RBP4: variants seen among roughly 807,000 people sequenced by gnomAD.
RBP4 encodes retinol-binding protein 4.
Under a neutral mutation model 26.2 loss-of-function variants are expected in RBP4, and 9 were observed. The observed-to-expected ratio is 0.34, with a 90% CI of 0.21 to 0.60. RBP4 has a LOEUF of 0.60. RBP4 is among the 20% of genes least tolerant of loss of function. The probability of loss-of-function intolerance (pLI) is 0.80; values close to 1 mark genes in which losing one functional copy is unlikely to be tolerated. For missense variants in RBP4, 244 were observed against 271.3 expected (o/e 0.90, Z 0.71); for synonymous variants, 114 against 111.0 (o/e 1.03, Z -0.17).
At chr10:93,596,027 G>A (rs996815258) in intron 4 of RBP4, among the ~76,000 whole-genome samples, 7 of 152,200 alleles carry the variant, frequency 4.6e-5, no homozygotes, top group Non-Finnish European at 1.0e-4. Context: ...TCCCCTCACA[G>A]GCTCCAGAGT....
chr10:93,591,956 G>C lies in RBP4; in HGVS notation c.*119C>G, dbSNP rs889674872. ...ACGTGTATCTTTATGTGTAATGAAG[G>C]TTTTATGGGAACTGAGGGAAGATGG... On this transcript the variant is annotated 3_prime_UTR_variant, in exon 6 of 6. Transcript: ENST00000371464. 6.8e-6 allele frequency: 6 copies of C among 883,438 alleles called. No individual in the cohort carries two copies. In the African/African-American group the frequency reaches 8.3e-5, roughly 12 times the overall value. The allele number at this position is 883,438 out of a possible 1,614,324, so 54.7% of individuals were successfully genotyped here. A position where few individuals can be genotyped will look rare whatever the true frequency, so the allele number is the denominator to read the frequency against.
At chr10:93,596,528 C>A (rs2058304165) in intron 4 of RBP4, among the ~76,000 whole-genome samples, 2 of 152,150 alleles carry the variant, frequency 1.3e-5, no homozygotes, top group South Asian at 4.1e-4. Flanking sequence ...ACCAGACACC[C>A]CCAGCCATTT....
At position 93,591,786 on chromosome 10, in the gene RBP4, C is replaced by A; in HGVS notation, c.*289G>T. 2 of 418,636 alleles carry A rather than the reference C, an allele frequency of 4.8e-6. No homozygotes were observed. The highest frequency in any genetic ancestry group is 5.6e-5 in the South Asian group (2 of 35,458). The allele number at this position is 418,636 out of a possible 1,614,324, so 25.9% of individuals were successfully genotyped here. On this transcript the variant is annotated 3_prime_UTR_variant, in exon 6 of 6. Transcript: ENST00000371464. ...CGTGCTCCTGGTATAAAGAAGCGCACCCCACCCATCCGTCTGCAGCACAGA... is the reference window on the plus strand; with the variant it reads ...CGTGCTCCTGGTATAAAGAAGCGCAACCCACCCATCCGTCTGCAGCACAGA...
At chr10:93,593,312 C>T (rs889338481) in intron 5 of RBP4, among the ~76,000 whole-genome samples, 8 of 152,146 alleles carry the variant, frequency 5.3e-5, no homozygotes, top group Non-Finnish European at 8.8e-5. Flanking sequence ...TCAAAACCCC[C>T]AACTGAGGAA....
chr10:93,600,341 G>T, intron 4 of RBP4, 52 bp downstream of exon 4: 1 of 1,488,784 alleles, frequency 6.7e-7, no homozygotes, highest in Non-Finnish European at 9.4e-7. Context: ...CCAGCGATTT[G>T]GCCCGGTAGG....
intron 5 of RBP4, among the ~76,000 whole-genome samples, chr10:93,592,676 T>C (rs2058274850): frequency 6.6e-6 from 1 of 152,220 alleles, no homozygotes; most frequent in Admixed American, 6.5e-5. Context: ...GGTGCCCTGC[T>C]GTGGTGGAAT....
rs769033053 is a variant in RBP4 at position 93,600,805 on chromosome 10, T to C, written c.112-2A>G. 1.2e-6 allele frequency: 2 copies of C among 1,603,798 alleles called. No individual in the cohort carries two copies. Among genetic ancestry groups the C allele is most frequent in the Non-Finnish European group, 1.7e-6 (2 of 1,176,474 alleles). On this transcript the variant is annotated splice_acceptor_variant, in intron 2 of 5. Transcript: ENST00000371464. LOFTEE classifies it high-confidence loss of function. Reference sequence around the variant, plus strand: ...CATGGCGTACCAGGTCCCAGAGAACTGTGAGAAGGATGACAGCAGGGGTTT... The same window carrying C: ...CATGGCGTACCAGGTCCCAGAGAACCGTGAGAAGGATGACAGCAGGGGTTT...
At chr10:93,599,012 G>A (rs1372015776) in intron 4 of RBP4, among the ~76,000 whole-genome samples, 1 of 152,154 alleles carries the variant, frequency 6.6e-6, no homozygotes, top group Non-Finnish European at 1.5e-5. Flanking sequence ...ACTTTGGAAG[G>A]CCGAGATGGG....
At position 93,600,665 on chromosome 10, in the gene RBP4, A is replaced by G. The variant is rs113634662; in HGVS notation, c.248+2T>C. ...GGCGCAGCTGCCCCGGCGGCCACTG[A>G]CTTCAAAAGACGGACTCGGCCCTTG... On this transcript the variant is annotated splice_donor_variant, in intron 3 of 5. Coordinates refer to ENST00000371464, the MANE Select transcript of RBP4 (RefSeq NM_006744.4). LOFTEE classifies it high-confidence loss of function. The G allele has an allele frequency of 1.2e-6, 2 of 1,611,864 alleles. No homozygotes were observed. The highest frequency in any genetic ancestry group is 1.7e-6 in the Non-Finnish European group (2 of 1,179,254).
At chr10:93,594,875 C>T (rs1440880674) in intron 4 of RBP4, among the ~76,000 whole-genome samples, 4 of 152,150 alleles carry the variant, frequency 2.6e-5, no homozygotes, top group African/African-American at 7.2e-5. Context: ...CACCATGGCT[C>T]GTGCTTGTAA....
intron 4 of RBP4, among the ~76,000 whole-genome samples, chr10:93,599,286 TA>T (rs925684015): frequency 1.3e-5 from 2 of 151,848 alleles, no homozygotes; most frequent in African/African-American, 4.8e-5. Context: ...AAAAATTAAA[TA>T]AAATTTAAAA....
upstream of RBP4, chr10:93,601,597 G>C: frequency 2.7e-6 from 2 of 731,616 alleles, no homozygotes; most frequent in Non-Finnish European, 5.0e-6. Context: ...TGGCCTCACA[G>C]AGCGAGAGCG....
At chr10:93,595,384 T>G (rs777246951) in intron 4 of RBP4, among the ~76,000 whole-genome samples, 15 of 152,100 alleles carry the variant, frequency 9.9e-5, no homozygotes, top group Non-Finnish European at 2.2e-4. Flanking sequence ...ATCCTCTACT[T>G]TACAGGTGAG....
rs376337066 is a variant in RBP4, at chr10:93,593,911, G to A, written c.480C>T (p.Asn160=). 94 of 1,613,968 alleles carry A rather than the reference G, an allele frequency of 5.8e-5. No homozygotes were observed. Among genetic ancestry groups the A allele is most frequent in the East Asian group, 2.7e-4 (12 of 44,866 alleles). ...TCTTCTGCGCTTCTGGGGGCAGGCC[G>A]TTGGGGTCCCGGGAAAACACGAAGG... is the stretch of plus-strand genomic sequence containing the variant. ...SYSFVFSRDP[N]GLPPEAQKIV... Residue 160 remains asparagine (N), a synonymous_variant, in exon 5 of 6, where the codon AAC becomes AAT. Coordinates refer to ENST00000371464, the MANE Select transcript of RBP4 (RefSeq NM_006744.4).
intron 5 of RBP4, 43 bp from the exon 6 acceptor site, chr10:93,592,155 C>T (rs372913305): frequency 6.3e-7 from 1 of 1,581,298 alleles, no homozygotes; most frequent in Non-Finnish European, 8.7e-7. Flanking sequence ...GAAAGTGGAC[C>T]CAGTTTTTAT....
rs1564789079 is a variant in RBP4 at position 93,595,145 on chromosome 10, TA to T, written c.356-1111del. ...AGAGTGAGATTCTGTCTTAAAAAAA[TA>T]AAAAAGAAAGAAAAAAAGAATGTAT... is the stretch of plus-strand genomic sequence containing the variant. On this transcript the variant is annotated intron_variant, in intron 4 of 5. Transcript: ENST00000371464. 2.0e-5 allele frequency among the ~76,000 whole-genome samples: 3 copies of T among 151,562 alleles called. No individual in the cohort carries two copies. In the South Asian group the frequency reaches 6.3e-4, roughly 32 times the overall value.
intron 4 of RBP4, among the ~76,000 whole-genome samples, chr10:93,597,639 G>A: frequency 6.6e-6 from 1 of 152,206 alleles, no homozygotes; most frequent in Non-Finnish European, 1.5e-5. Flanking sequence ...GGAGCAGCAA[G>A]CCACATCAGT....
At chr10:93,600,594 G>C in intron 3 of RBP4, 73 bp downstream of exon 3, 1 of 1,612,384 alleles carries the variant, frequency 6.2e-7, no homozygotes, top group Non-Finnish European at 8.5e-7. Flanking sequence ...CAATGCCCAC[G>C]TGGCGATCAG....
intron 4 of RBP4, among the ~76,000 whole-genome samples, chr10:93,599,413 G>C (rs1251832163): frequency 6.6e-6 from 1 of 152,284 alleles, no homozygotes; most frequent in Admixed American, 6.5e-5. Context: ...CGAGCAGAGA[G>C]AGTCTCCCTG....
Sources: allele counts gnomAD v4.1 joint callset (sites outside exome capture counted in the v4.1 genomes callset), GRCh38; gene constraint gnomAD v4.1.1; transcripts MANE v1.5; gene names NCBI Gene and HGNC (gene_info 2026-07-23, HGNC 2026-07-21).